E2F8: variants seen among roughly 807,000 people sequenced by gnomAD.
E2F8 encodes the protein E2F transcription factor 8, also known as transcription factor E2F8.
Under a neutral mutation model 80.8 loss-of-function variants are expected in E2F8, and 35 were observed. The observed-to-expected ratio is 0.43, with a 90% confidence interval of 0.33 to 0.57. The LOEUF (loss-of-function observed/expected upper bound fraction) is 0.57, where lower values mean the gene tolerates loss of function less well. Ranked by LOEUF, E2F8 falls within the 20% of genes least tolerant of loss-of-function variation. The pLI, the probability that E2F8 is intolerant of heterozygous loss-of-function variation, is 0.04. For missense variants in E2F8, 975 were observed against 1,056.2 expected, an observed-to-expected ratio of 0.92 and a Z score of 1.07; for synonymous variants, 386 against 395.0, an observed-to-expected ratio of 0.98 and a Z score of 0.27.
chr11:19,230,946 G>T, intron 7 of E2F8, 112 bp from the exon 8 acceptor site: 1 of 897,186 alleles, frequency 1.1e-6, no homozygotes, highest in Non-Finnish European at 1.7e-6. Context: ...CACCGACCAT[G>T]TGCCTGTCAC....
At position 19,232,439 on chromosome 11, in the gene E2F8, G is replaced by A. The variant is rs556415257; in HGVS notation, c.929-68C>T. Reference sequence around the variant, plus strand: ...AGATCAAAGAATTTTCCTTCAGAAGGACTTCATGTATATTCTAAGAGCTGT... The same window carrying A: ...AGATCAAAGAATTTTCCTTCAGAAGAACTTCATGTATATTCTAAGAGCTGT... On this transcript the variant is annotated intron_variant, in intron 6 of 12. Transcript: ENST00000250024. The A allele has an allele frequency of 3.9e-5, 53 of 1,370,396 alleles. 1 individual carries two copies. In the South Asian group the frequency reaches 6.8e-4, roughly 18 times the overall value. The allele number at this position is 1,370,396 out of a possible 1,614,324, so 84.9% of individuals were successfully genotyped here.
intron 10 of E2F8, among the ~76,000 whole-genome samples, chr11:19,228,309 A>G (rs1309277255): frequency 6.6e-6 from 1 of 152,212 alleles, no homozygotes; most frequent in African/African-American, 2.4e-5. Flanking sequence ...ATACTATGTA[A>G]GATAATAGAT....
chr11:19,241,420 T>A (rs1320976248), upstream of E2F8: 2 of 153,150 alleles, frequency 1.3e-5, no homozygotes, highest in East Asian at 3.9e-4. The surrounding 1 kb of genome is among the most constrained non-coding windows in gnomAD (Gnocchi z 4.5). Flanking sequence ...TCAGTCCACC[T>A]CACGGCGGGA....
chr11:19,238,020 G>C lies in E2F8; in HGVS notation c.128C>G (p.Thr43Ser), dbSNP rs1371453729. The C allele has an allele frequency of 6.2e-7, 1 of 1,614,212 alleles. No homozygotes were observed. The change falls in exon 3 of 13, where the codon ACC (threonine) becomes AGC (serine). Residue 43 changes from threonine to serine, a missense_variant. Thr to Ser is a moderately conservative substitution (Grantham distance 58). Transcript: ENST00000250024. ...GCCTTCCTTGGGCTTGGTAGGTGTGGTTAAAGGGCCAAAGTCAGGCTGGAT... is the reference window on the plus strand; with the variant it reads ...GCCTTCCTTGGGCTTGGTAGGTGTGCTTAAAGGGCCAAAGTCAGGCTGGAT... The part of the protein sequence containing the change: ...AEIQPDFGPL[T>S]TPTKPKEGSQ...
intron 10 of E2F8, among the ~76,000 whole-genome samples, chr11:19,227,164 G>A (rs1851256744): frequency 6.6e-6 from 1 of 152,170 alleles, no homozygotes; most frequent in Admixed American, 6.5e-5. Flanking sequence ...GTCAAAACAA[G>A]TTTAATCTAG....
intron 10 of E2F8, among the ~76,000 whole-genome samples, chr11:19,226,668 G>T (rs1851244771): frequency 6.6e-6 from 1 of 152,150 alleles, no homozygotes; most frequent in Non-Finnish European, 1.5e-5. Flanking sequence ...TGGCAGAGTT[G>T]ACTAGGTGCA....
At chr11:19,238,211 A>G (rs910443988) in intron 2 of E2F8, 79 bp from the exon 3 acceptor site, 2 of 1,421,120 alleles carry the variant, frequency 1.4e-6, no homozygotes, top group Non-Finnish European at 1.9e-6. Flanking sequence ...AAATTGCATA[A>G]CGAATAGAAT....
chr11:19,239,479 G>A (rs1487935244), intron 2 of E2F8, among the ~76,000 whole-genome samples: 1 of 152,192 alleles, frequency 6.6e-6, no homozygotes, highest in East Asian at 1.9e-4. Flanking sequence ...CCTATTAGTA[G>A]TTGGACACCC....
chr11:19,225,930 C>T (rs1590121505), intron 10 of E2F8, 66 bp from the exon 11 acceptor site: 2 of 1,551,808 alleles, frequency 1.3e-6, no homozygotes, highest in East Asian at 2.2e-5. Context: ...CCACGTGCCT[C>T]TTTCAGGACT....
Position 19,238,066 on chromosome 11 carries a change from C to T in E2F8, c.82G>A (p.Ala28Thr). The T allele has an allele frequency of 6.2e-7, 1 of 1,614,172 alleles. No individual in the cohort carries two copies. The highest frequency in any genetic ancestry group is 1.1e-5 in the South Asian group (1 of 91,084). ...MKTPLKESTTANIVLAEIQPD... is the reference protein window; with the variant it reads ...MKTPLKESTTTNIVLAEIQPD... ...TGGATCTCTGCCAACACGATATTTG[C>T]TGTGGTGGATTCTTTCAGAGGTGTT... is the stretch of plus-strand genomic sequence containing the variant. The change falls in exon 3 of 13, where the codon GCA (alanine) becomes ACA (threonine). Residue 28 changes from alanine to threonine, a missense_variant. Coordinates refer to ENST00000250024, the MANE Select transcript of E2F8 (RefSeq NM_024680.4).
chr11:19,237,800 C>G (rs1851559311), intron 3 of E2F8, 54 bp downstream of exon 3: 1 of 1,549,852 alleles, frequency 6.5e-7, no homozygotes. Context: ...GCTACAACCT[C>G]CCCCCTCCCC....
In E2F8 at chr11:19,225,810, C is replaced by T. The variant is rs1348787813; in HGVS notation, c.1948G>A (p.Ala650Thr). Residue 650 changes from alanine (A) to threonine (T), a missense_variant, in exon 11 of 13, where the codon GCA (alanine) becomes ACA (threonine). Transcript: ENST00000250024. Reference protein sequence around the residue: ...IPLTQCSSLGAESILSGKENS... With the variant: ...IPLTQCSSLGTESILSGKENS... ...TCTTTACCAGACAAAATGGACTCTG[C>T]CCCCAGGGATGAGCACTGCGTGAGA... 2 of 1,614,118 alleles carry T rather than the reference C, an allele frequency of 1.2e-6. No homozygotes were observed. Among genetic ancestry groups the T allele is most frequent in the Admixed American group, 1.7e-5 (1 of 60,014 alleles).
chr11:19,227,175 T>C (rs898272831), intron 10 of E2F8, among the ~76,000 whole-genome samples: 93 of 152,298 alleles, frequency 6.1e-4, no homozygotes, highest in African/African-American at 2.1e-3. Flanking sequence ...TTTAATCTAG[T>C]TGTTAATAGG....
rs368079281 is a variant in E2F8, at chr11:19,240,127, A to G, written c.-6T>C. On this transcript the variant is annotated 5_prime_UTR_variant, in exon 2 of 13. Coordinates refer to ENST00000250024, the MANE Select transcript of E2F8 (RefSeq NM_024680.4). ...AGTACCTTTTCGTTCTCCATTCTGT[A>G]AATTCCTCATACATTTAGAGTTTAA... The G allele has an allele frequency of 2.0e-6, 3 of 1,523,362 alleles. No individual in the cohort carries two copies. The highest frequency in any genetic ancestry group is 2.7e-6 in the Non-Finnish European group (3 of 1,130,834). 94.4% of individuals were successfully genotyped at this position (1,523,362 alleles called of 1,614,324 possible).
In E2F8 at chr11:19,234,980, C is replaced by A. The variant is rs771502330; in HGVS notation, c.530G>T (p.Arg177Met). The A allele has an allele frequency of 1.2e-6, 2 of 1,614,210 alleles. No individual in the cohort carries two copies. The highest frequency in any genetic ancestry group is 1.1e-5 in the South Asian group (1 of 91,084). ...ATTGTGTCGCCCGTGCCAAGTGTAC[C>A]TGTTTTTGGCGAGGCGGCTCACCAT... ...LHMVSRLAKN[R>M]YTWHGRHNLN... is the part of the protein sequence containing the mutation. Residue 177 changes from arginine to methionine, a missense_variant, in exon 5 of 13, where the codon AGG (arginine) becomes ATG (methionine). Physicochemically the swap from Arg to Met is moderately conservative, Grantham distance 91 (BLOSUM62 -1). Coordinates refer to ENST00000250024, the MANE Select transcript of E2F8 (RefSeq NM_024680.4).
chr11:19,224,708 G>C lies in E2F8; in HGVS notation c.2554C>G (p.Leu852Val). Reference sequence around the variant, plus strand: ...TCCAGTTTTCGCTGTGGGACAAAGAGAGTTCCTAAGGAGGTTTTATTAGCA... The same window carrying C: ...TCCAGTTTTCGCTGTGGGACAAAGACAGTTCCTAAGGAGGTTTTATTAGCA... ...EGANKTSLGT[L>V]FVPQRKLEVS... The change falls in exon 13 of 13, where the codon CTC (leucine) becomes GTC (valine). Residue 852 changes from leucine (L) to valine (V), a missense_variant. Physicochemically the swap from Leu to Val is conservative, Grantham distance 32 (BLOSUM62 1). Transcript: ENST00000250024. 6.2e-7 allele frequency: 1 copy of C among 1,614,228 alleles called. No homozygotes were observed. The highest frequency in any genetic ancestry group is 8.5e-7 in the Non-Finnish European group (1 of 1,180,036).
intron 4 of E2F8, among the ~76,000 whole-genome samples, chr11:19,235,404 C>G (rs966426359): frequency 6.6e-6 from 1 of 152,116 alleles, no homozygotes; most frequent in African/African-American, 2.4e-5. Flanking sequence ...ATCCCAGCAC[C>G]TTGGGAGGCC....
intron 2 of E2F8, among the ~76,000 whole-genome samples, chr11:19,239,270 C>A (rs1271162945): frequency 3.3e-5 from 5 of 152,146 alleles, no homozygotes; most frequent in Admixed American, 6.5e-5. Context: ...TATTTTCACT[C>A]CAAGTATGGT....
rs550298977 is a variant in E2F8 at position 19,224,096 on chromosome 11, A to T, written c.*562T>A. On this transcript the variant is annotated 3_prime_UTR_variant, in exon 13 of 13. Transcript: ENST00000250024. ...AGAAAAGTTTTAATTTGAACAACTT[A>T]TGATTAAAAATACATTTTATAAATA... 2 of 152,590 alleles carry T rather than the reference A, an allele frequency of 1.3e-5. No homozygotes were observed. Among genetic ancestry groups the T allele is most frequent in the South Asian group, 4.1e-4 (2 of 4,832 alleles). 9.5% of individuals were successfully genotyped at this position (152,590 alleles called of 1,614,324 possible).
Sources: allele counts gnomAD v4.1 joint callset (sites outside exome capture counted in the v4.1 genomes callset), GRCh38; gene constraint gnomAD v4.1.1; non-coding constraint Gnocchi (gnomAD v3.1); transcripts MANE v1.5; gene names NCBI Gene and HGNC (gene_info 2026-07-23, HGNC 2026-07-21).